The following ITGB1 variants were observed in gnomAD, a reference collection of about 807,000 sequenced individuals.
ITGB1 encodes the protein integrin beta-1.
In ITGB1, 24 loss-of-function variants were observed where a neutral mutation model predicts 86.5. The observed-to-expected ratio is 0.28, with a 90% CI of 0.20 to 0.39. The LOEUF (loss-of-function observed/expected upper bound fraction) is 0.39, where lower values mean the gene tolerates loss of function less well. ITGB1 is among the 10% of genes least tolerant of loss of function. The probability of loss-of-function intolerance (pLI) is 1.00; values close to 1 mark genes in which losing one functional copy is unlikely to be tolerated. For missense variants in ITGB1, 556 were observed against 946.9 expected (o/e 0.59, Z 5.42); for synonymous variants, 323 against 316.8 (o/e 1.02, Z -0.21).
intron 1 of ITGB1, among the ~76,000 whole-genome samples, chr10:32,942,383 G>A (rs1182063365): frequency 6.6e-6 from 1 of 152,180 alleles, no homozygotes; most frequent in African/African-American, 2.4e-5. Context: ...AGCCTGCAAT[G>A]GTGAGAGCCC....
intron 5 of ITGB1, among the ~76,000 whole-genome samples, chr10:32,926,954 T>G (rs1165512449): frequency 1.3e-5 from 2 of 152,198 alleles, no homozygotes; most frequent in African/African-American, 2.4e-5. Context: ...GTTTATAGTA[T>G]TTTCTTAAAG....
intron 9 of ITGB1, 56 bp downstream of exon 9, chr10:32,922,201 C>T: frequency 9.1e-7 from 1 of 1,093,386 alleles, no homozygotes; most frequent in Non-Finnish European, 1.3e-6. Context: ...TTTCTTTGTA[C>T]AAAGTATTCT....
chr10:32,911,746 A>G, intron 12 of ITGB1, 76 bp from the exon 13 acceptor site: 1 of 1,516,622 alleles, frequency 6.6e-7, no homozygotes, highest in Admixed American at 1.7e-5. Context: ...AAAATAAGCA[A>G]CAACATGTGA....
chr10:32,936,030 T>C (rs2095000574), intron 1 of ITGB1: 1 of 152,914 alleles, frequency 6.5e-6, no homozygotes, highest in Non-Finnish European at 1.5e-5. Flanking sequence ...GTCATCCCTC[T>C]GCTAACAATG....
chr10:32,944,765 C>G, intron 1 of ITGB1: 4 of 723,304 alleles, frequency 5.5e-6, no homozygotes, highest in South Asian at 5.4e-5. Flanking sequence ...CCTTACTGCT[C>G]GCTAGATTCA....
At chr10:32,902,983 C>A (rs988330149) in intron 15 of ITGB1, among the ~76,000 whole-genome samples, 6 of 152,060 alleles carry the variant, frequency 3.9e-5, no homozygotes, top group Non-Finnish European at 7.4e-5. Flanking sequence ...TGGTAAATAG[C>A]AATCTATGCA....
At position 32,912,063 on chromosome 10, in the gene ITGB1, C is replaced by CT; in HGVS notation, c.1530dup (p.Asp511ArgfsTer17). The stretch of plus-strand genomic sequence containing the variant: ...TCTTTCCTGCAGTAAGCATCCATGT[C>CT]TTCACTGTTAACTTCATCTGTGCTG... On this transcript the variant is annotated frameshift_variant, in exon 12 of 16. Transcript: ENST00000302278. LOFTEE classifies it high-confidence loss of function. 1 of 1,614,244 alleles carries CT rather than the reference C, an allele frequency of 6.2e-7. No individual in the cohort carries two copies. Among genetic ancestry groups the CT allele is most frequent in the Non-Finnish European group, 8.5e-7 (1 of 1,180,046 alleles).
intron 2 of ITGB1, among the ~76,000 whole-genome samples, chr10:32,933,143 G>A (rs540720369): frequency 2.1e-4 from 31 of 144,942 alleles, no homozygotes; most frequent in Non-Finnish European, 4.3e-4. Context: ...CCCACAAACC[G>A]GTGAGAACAA....
chr10:32,917,810 G>A lies in ITGB1; in HGVS notation c.1469+2075C>T, dbSNP rs184212887. Among the ~76,000 whole-genome samples the A allele has an allele frequency of 4.3e-3, 657 of 152,302 alleles. 10 individuals are homozygous for A. Among genetic ancestry groups the A allele is most frequent in the Middle Eastern group, 3.4e-3 (1 of 294 alleles). On this transcript the variant is annotated intron_variant, in intron 11 of 15. Transcript: ENST00000302278. ...GCGATTCCTCAAGGATCTAGGACTA[G>A]AAATACCATTTGACCCAGCCATCCC...
intron 1 of ITGB1, chr10:32,955,554 G>C (rs1379899426): frequency 6.6e-6 from 1 of 152,196 alleles, no homozygotes; most frequent in Non-Finnish European, 1.5e-5. Flanking sequence ...ACTCACCGCT[G>C]TAAGCCATAA....
chr10:32,922,671 G>A lies in ITGB1; in HGVS notation c.1007C>T (p.Ala336Val), dbSNP rs2094953819. Residue 336 changes from alanine to valine, a missense_variant, in exon 8 of 16, where the codon GCA becomes GTA. Transcript: ENST00000302278. ...LSENNIQTIF[A>V]VTEEFQPVYK... The stretch of plus-strand genomic sequence containing the variant: ...AACAGGCTGAAATTCTTCAGTAACT[G>A]CAAAAATTGTCTGAATATTATTTTC... 6.2e-7 allele frequency: 1 copy of A among 1,603,082 alleles called. No individual in the cohort carries two copies. Among genetic ancestry groups the A allele is most frequent in the Non-Finnish European group, 8.5e-7 (1 of 1,171,694 alleles).
Position 32,926,009 on chromosome 10 carries a change from T to C in ITGB1, c.648A>G (p.Pro216=). 1.2e-6 allele frequency: 2 copies of C among 1,614,148 alleles called. No individual in the cohort carries two copies. The highest frequency in any genetic ancestry group is 8.5e-7 in the Non-Finnish European group (1 of 1,179,984). Residue 216 remains proline, a synonymous_variant, in exon 6 of 16, where the codon CCA becomes CCG. Coordinates refer to ENST00000302278, the MANE Select transcript of ITGB1 (RefSeq NM_002211.4). ...PCTSEQNCTS[P]FSYKNVLSLT... Reference sequence around the variant, plus strand: ...GACTGAGCACATTTTTGTAGCTAAATGGGCTGGTGCAGTTCTGTTCACTTG... The same window carrying C: ...GACTGAGCACATTTTTGTAGCTAAACGGGCTGGTGCAGTTCTGTTCACTTG...
chr10:32,954,453 A>T (rs2095048572), intron 1 of ITGB1, among the ~76,000 whole-genome samples: 1 of 152,044 alleles, frequency 6.6e-6, no homozygotes, highest in Admixed American at 6.6e-5. Flanking sequence ...CTTTCTGACC[A>T]CTCACCTTTA....
rs1383247181 is a variant in ITGB1 at position 32,942,449 on chromosome 10, TCTAA to T, written c.1-6895_1-6892del. On this transcript the variant is annotated intron_variant, in intron 1 of 15. Transcript: ENST00000302278. ...GCATATTTGTAACACTCATTTCACT[TCTAA>T]CTATTTGTTAACATGTCTTCCCTGA... 2.0e-5 allele frequency among the ~76,000 whole-genome samples: 3 copies of T among 152,316 alleles called. No homozygotes were observed. The East Asian group carries it at 5.8e-4, about 29-fold the overall frequency.
Position 32,901,656 on chromosome 10 carries a change from G to A in ITGB1, c.2332-21C>T, listed in dbSNP as rs776469262. The A allele has an allele frequency of 3.9e-5, 58 of 1,504,612 alleles. No homozygotes were observed. The African/African-American group carries it at 6.8e-4, about 18-fold the overall frequency. The allele number at this position is 1,504,612 out of a possible 1,614,324, so 93.2% of individuals were successfully genotyped here. A position where few individuals can be genotyped will look rare whatever the true frequency, so the allele number is the denominator to read the frequency against. ...TCACCCTACAACAAAAAAAAAGTGA[G>A]AAAAATTATCAGTTACCCTACTAAA... On this transcript the variant is annotated intron_variant, in intron 15 of 15. Coordinates refer to ENST00000302278, the MANE Select transcript of ITGB1 (RefSeq NM_002211.4).
In ITGB1 at chr10:32,920,094, A is replaced by G. The variant is rs540994419; in HGVS notation, c.1270-10T>C. On this transcript the variant is annotated splice_polypyrimidine_tract_variant and intron_variant, in intron 10 of 15. Transcript: ENST00000302278. Reference sequence around the variant, plus strand: ...TAATTTCAAATTGAACCTTGAAGGGAAAAAAAAGATTAACAACCAACTAAA... The same window carrying G: ...TAATTTCAAATTGAACCTTGAAGGGGAAAAAAAGATTAACAACCAACTAAA... 3 of 1,597,980 alleles carry G rather than the reference A, an allele frequency of 1.9e-6. No homozygotes were observed. The highest frequency in any genetic ancestry group is 2.7e-5 in the African/African-American group (2 of 74,504).
At chr10:32,912,465 T>G (rs1176297354) in intron 11 of ITGB1, among the ~76,000 whole-genome samples, 7 of 152,164 alleles carry the variant, frequency 4.6e-5, no homozygotes, top group Admixed American at 4.6e-4. Context: ...TTTCCAATGC[T>G]CTTAGAAAAC....
chr10:32,938,587 C>T (rs2095009877), intron 1 of ITGB1, among the ~76,000 whole-genome samples: 1 of 152,212 alleles, frequency 6.6e-6, no homozygotes, highest in Non-Finnish European at 1.5e-5. Flanking sequence ...TTCTGAAACC[C>T]TTGTGCCTCC....
intron 14 of ITGB1, among the ~76,000 whole-genome samples, chr10:32,909,169 A>G (rs1249835720): frequency 1.3e-5 from 2 of 152,206 alleles, no homozygotes; most frequent in African/African-American, 4.8e-5. Flanking sequence ...TATAGCTAAC[A>G]CTCAGATACA....
Sources: gnomAD v4.1 joint callset for allele counts (sites outside exome capture counted in the v4.1 genomes callset) on GRCh38, gnomAD v4.1.1 for gene constraint, MANE v1.5 for transcripts, NCBI Gene and HGNC (gene_info 2026-07-23, HGNC 2026-07-21) for gene names.